ADAMTS18: variants seen among roughly 807,000 people sequenced by gnomAD.
ADAMTS18 encodes A disintegrin and metalloproteinase with thrombospondin motifs 18.
In ADAMTS18, 157 loss-of-function variants were observed where a neutral mutation model predicts 165.9. The ratio of observed to expected loss-of-function variants is 0.95; its 90% CI spans 0.83 to 1.08. The LOEUF (loss-of-function observed/expected upper bound fraction) is 1.08, where lower values mean the gene tolerates loss of function less well. ADAMTS18 is among the 50% of genes least tolerant of loss of function. The probability of loss-of-function intolerance (pLI) is 0.00; values close to 1 mark genes in which losing one functional copy is unlikely to be tolerated. For missense variants in ADAMTS18, 2,040 were observed against 1,534.0 expected (o/e 1.33, Z -5.51); for synonymous variants, 782 against 578.2 (o/e 1.35, Z -5.06).
At chr16:77,376,766 G>C (rs907232584) in intron 3 of ADAMTS18, among the ~76,000 whole-genome samples, 5 of 147,900 alleles carry the variant, frequency 3.4e-5, no homozygotes, top group Non-Finnish European at 7.5e-5. Flanking sequence ...TTTTATTTGT[G>C]AACAGGTGTT....
intron 18 of ADAMTS18, among the ~76,000 whole-genome samples, chr16:77,296,031 C>T (rs957527215): frequency 1.5e-4 from 19 of 129,020 alleles, no homozygotes; most frequent in Non-Finnish European, 5.3e-5. Flanking sequence ...TATATATATA[C>T]ACACACATAT....
intron 12 of ADAMTS18, among the ~76,000 whole-genome samples, chr16:77,330,465 C>T (rs2056169397): frequency 6.6e-6 from 1 of 152,124 alleles, no homozygotes; most frequent in South Asian, 2.1e-4. Flanking sequence ...AGAGTTGCTA[C>T]CGTGAATGGG....
chr16:77,431,748 A>G, intron 2 of ADAMTS18, 137 bp from the exon 3 acceptor site: 1 of 927,244 alleles, frequency 1.1e-6, no homozygotes, highest in Non-Finnish European at 1.7e-6. Flanking sequence ...ATCAAATATA[A>G]TTCAGAGCAG....
At chr16:77,432,190 T>C (rs1033386357) in intron 2 of ADAMTS18, among the ~76,000 whole-genome samples, 4 of 152,196 alleles carry the variant, frequency 2.6e-5, no homozygotes, top group Non-Finnish European at 5.9e-5. Context: ...ATATTATTTA[T>C]GTGTGATAAG....
intron 12 of ADAMTS18, among the ~76,000 whole-genome samples, chr16:77,332,207 T>A (rs941663203): frequency 3.9e-5 from 6 of 152,208 alleles, no homozygotes; most frequent in Non-Finnish European, 8.8e-5. Context: ...TCTCATCCTC[T>A]GCACTATGCT....
intron 18 of ADAMTS18, among the ~76,000 whole-genome samples, chr16:77,296,970 T>A (rs1351190467): frequency 6.6e-6 from 1 of 152,194 alleles, no homozygotes; most frequent in East Asian, 1.9e-4. Flanking sequence ...ACTTCAACCA[T>A]CTTTTTTAAA....
At chr16:77,411,449 C>G (rs114499085) in intron 3 of ADAMTS18, among the ~76,000 whole-genome samples, 1,658 of 152,186 alleles carry the variant, frequency 0.011, 32 homozygotes, top group African/African-American at 0.038. Flanking sequence ...TAGACTTGGA[C>G]TTTAAAAATA....
chr16:77,349,005 G>A (rs758858824), intron 10 of ADAMTS18, among the ~76,000 whole-genome samples: 3 of 150,928 alleles, frequency 2.0e-5, no homozygotes, highest in Non-Finnish European at 3.0e-5. Context: ...TCACTGGAGC[G>A]TAAGTGCATG....
In ADAMTS18 at chr16:77,303,897, G is replaced by A. The variant is rs551510959; in HGVS notation, c.2533-3493C>T. Among the ~76,000 whole-genome samples, 4 of 152,244 alleles carry A rather than the reference G, an allele frequency of 2.6e-5. No homozygotes were observed. The South Asian group carries it at 6.2e-4, about 24-fold the overall frequency. ...ATTAAAAAACAAGCCAGGCCTGGTGGTGGGCACCTGTAGTCCCACCTACTC... is the reference window on the plus strand; with the variant it reads ...ATTAAAAAACAAGCCAGGCCTGGTGATGGGCACCTGTAGTCCCACCTACTC... On this transcript the variant is annotated intron_variant, in intron 16 of 22. Transcript: ENST00000282849.
chr16:77,431,070 C>T (rs2057733085), intron 3 of ADAMTS18, among the ~76,000 whole-genome samples: 2 of 152,178 alleles, frequency 1.3e-5, no homozygotes, highest in African/African-American at 2.4e-5. Flanking sequence ...AAGTCCCAGA[C>T]CATTAAACAT....
intron 12 of ADAMTS18, among the ~76,000 whole-genome samples, chr16:77,332,336 G>C (rs377319980): frequency 2.6e-5 from 4 of 152,238 alleles, no homozygotes; most frequent in East Asian, 3.9e-4. Flanking sequence ...TCTCCACCCT[G>C]CTTCGGTGGG....
chr16:77,416,813 T>C (rs1001530008), intron 3 of ADAMTS18, among the ~76,000 whole-genome samples: 1 of 152,110 alleles, frequency 6.6e-6, no homozygotes, highest in African/African-American at 2.4e-5. Context: ...ACAGAAGAGA[T>C]GAAAGAGTCA....
intron 16 of ADAMTS18, among the ~76,000 whole-genome samples, chr16:77,302,127 A>G (rs1236892884): frequency 6.6e-6 from 1 of 151,160 alleles, no homozygotes; most frequent in Non-Finnish European, 1.5e-5. Flanking sequence ...CCTTATTTCC[A>G]CAGTATTTTT....
intron 14 of ADAMTS18, among the ~76,000 whole-genome samples, chr16:77,321,866 T>G (rs983280271): frequency 6.6e-6 from 1 of 152,152 alleles, no homozygotes; most frequent in Admixed American, 6.5e-5. Flanking sequence ...AACGTAGATA[T>G]GGTGCTCGGC....
intron 22 of ADAMTS18, among the ~76,000 whole-genome samples, chr16:77,285,987 T>G (rs537440864): frequency 6.6e-6 from 1 of 150,648 alleles, no homozygotes; most frequent in African/African-American, 2.5e-5. Context: ...TCTTCTCTTC[T>G]GCTCAAAGTT....
intron 12 of ADAMTS18, among the ~76,000 whole-genome samples, chr16:77,333,015 ACACT>A (rs1428593887): frequency 6.6e-6 from 1 of 152,160 alleles, no homozygotes; most frequent in African/African-American, 2.4e-5. Flanking sequence ...AGTTTGAGAG[ACACT>A]CACAAGGTTT....
intron 16 of ADAMTS18, among the ~76,000 whole-genome samples, chr16:77,302,714 T>A (rs1370296109): frequency 5.3e-5 from 8 of 152,240 alleles, no homozygotes; most frequent in Admixed American, 5.2e-4. Flanking sequence ...CTAGGACTTA[T>A]GTTCTGCTGA....
At chr16:77,357,751 C>T (rs923995228) in intron 8 of ADAMTS18, among the ~76,000 whole-genome samples, 2 of 152,188 alleles carry the variant, frequency 1.3e-5, no homozygotes, top group Admixed American at 1.3e-4. Context: ...TAGCACATGC[C>T]AAATGCCATA....
rs1488927596 is a variant in ADAMTS18, at chr16:77,325,905, C to T, written c.1993G>A (p.Gly665Arg). ...TAGGGTTTCCACTGGTAGAACCATCCACGGAAAGGTTTGCTGTTATATTCT... is the reference window on the plus strand; with the variant it reads ...TAGGGTTTCCACTGGTAGAACCATCTACGGAAAGGTTTGCTGTTATATTCT... ...CAEYNSKPFR[G>R]WFYQWKPYTK... is the part of the protein sequence containing the mutation. Residue 665 changes from glycine to arginine, a missense_variant, in exon 13 of 23, where the codon GGA becomes AGA. Transcript: ENST00000282849. 6.2e-7 allele frequency: 1 copy of T among 1,613,838 alleles called. No homozygotes were observed. Among genetic ancestry groups the T allele is most frequent in the Non-Finnish European group, 8.5e-7 (1 of 1,179,990 alleles).
Sources: allele counts gnomAD v4.1 joint callset (sites outside exome capture counted in the v4.1 genomes callset), GRCh38; gene constraint gnomAD v4.1.1; transcripts MANE v1.5; gene names NCBI Gene and HGNC (gene_info 2026-07-23, HGNC 2026-07-21).